HTRA1: variants seen among roughly 807,000 people sequenced by gnomAD.
HTRA1 encodes HtrA serine peptidase 1.
HTRA1 carries 26 observed loss-of-function variants against 49.7 expected under a neutral mutation model. The ratio of observed to expected loss-of-function variants is 0.52; its 90% CI spans 0.38 to 0.73. The LOEUF is 0.73. Among genes scored for constraint, HTRA1 ranks in the 30% least tolerant of loss-of-function variants. The pLI is 0.00. For synonymous variants in HTRA1, 291 were observed against 286.9 expected (o/e 1.01, Z -0.14); for missense variants, 561 against 667.2 (o/e 0.84, Z 1.75).
intron 3 of HTRA1, among the ~76,000 whole-genome samples, chr10:122,491,539 C>T (rs1009605598): frequency 6.6e-6 from 1 of 152,230 alleles, no homozygotes; most frequent in South Asian, 2.1e-4. Flanking sequence ...ACGCCGCCCC[C>T]ACTGCGTAAC....
intron 1 of HTRA1, among the ~76,000 whole-genome samples, chr10:122,475,003 G>A (rs2097487790): frequency 6.6e-6 from 1 of 152,148 alleles, no homozygotes; most frequent in Admixed American, 6.5e-5. Context: ...TCCCAGTAAA[G>A]CCAAAGATGC....
intron 1 of HTRA1, among the ~76,000 whole-genome samples, chr10:122,472,362 TTTATTACTATTA>T (rs1337403186): frequency 2.4e-5 from 3 of 127,100 alleles, no homozygotes; most frequent in South Asian, 2.8e-4. Context: ...ATATCATTTC[TTTATTACTATTA>T]TTATTATTAT....
intron 6 of HTRA1, 43 bp downstream of exon 6, chr10:122,508,813 C>G (rs1447637977): frequency 1.1e-5 from 13 of 1,191,604 alleles, no homozygotes; most frequent in Non-Finnish European, 1.5e-5. Flanking sequence ...GGAGATGGGG[C>G]CTGAAGCTCA....
chr10:122,467,463 C>T (rs187250993), intron 1 of HTRA1, among the ~76,000 whole-genome samples: 186 of 152,328 alleles, frequency 1.2e-3, no homozygotes, highest in African/African-American at 4.2e-3. Context: ...GTGGTCACCT[C>T]ATTCCTAATT....
chr10:122,465,192 C>CTAT (rs1160996059), intron 1 of HTRA1, among the ~76,000 whole-genome samples: 1 of 152,192 alleles, frequency 6.6e-6, no homozygotes, highest in East Asian at 1.9e-4. Context: ...GGCAAATCAT[C>CTAT]TATTTCAGAA....
At chr10:122,513,225 A>G (rs1395319620) in intron 8 of HTRA1, among the ~76,000 whole-genome samples, 1 of 152,184 alleles carries the variant, frequency 6.6e-6, no homozygotes, top group East Asian at 1.9e-4. Context: ...AGCTACAGTT[A>G]TAGTGGCAAC....
In HTRA1 at chr10:122,494,633, T is replaced by C. The variant is rs1311493253; in HGVS notation, c.777+5007T>C. On this transcript the variant is annotated intron_variant, in intron 3 of 8. Transcript: ENST00000368984. The surrounding 1 kb of genome is among the most constrained non-coding windows in gnomAD (Gnocchi z 4.0). ...TGTGAGGTGGTTTTCCTCCCTCCCC[T>C]GTAGGCCTGCGCCACCCCCCCAACC... 6.6e-6 allele frequency among the ~76,000 whole-genome samples: 1 copy of C among 151,948 alleles called. No individual in the cohort carries two copies. The highest frequency in any genetic ancestry group is 1.5e-5 in the Non-Finnish European group (1 of 67,968).
chr10:122,483,684 A>G (rs1290623054), intron 1 of HTRA1, among the ~76,000 whole-genome samples: 3 of 152,246 alleles, frequency 2.0e-5, no homozygotes, highest in Non-Finnish European at 4.4e-5. Context: ...TGATAGCTTA[A>G]CAATAGTGAA....
chr10:122,495,938 T>G (rs1241915428), intron 3 of HTRA1, among the ~76,000 whole-genome samples: 1 of 152,202 alleles, frequency 6.6e-6, no homozygotes, highest in Non-Finnish European at 1.5e-5. Context: ...TCATGCTCAC[T>G]TATTTAGGTA....
At chr10:122,502,880 CT>C (rs1204535849) in intron 3 of HTRA1, among the ~76,000 whole-genome samples, 3 of 152,236 alleles carry the variant, frequency 2.0e-5, no homozygotes, top group East Asian at 1.9e-4. Context: ...CTTGCATTTT[CT>C]TTTCCCCCCA....
At chr10:122,482,389 C>G (rs1050466436) in intron 1 of HTRA1, among the ~76,000 whole-genome samples, 1 of 152,102 alleles carries the variant, frequency 6.6e-6, no homozygotes, top group Non-Finnish European at 1.5e-5. Context: ...AAACTATGAT[C>G]AATCTAGAGC....
chr10:122,506,325 C>T lies in HTRA1; in HGVS notation c.778-366C>T, dbSNP rs1485874847. 6.6e-6 allele frequency among the ~76,000 whole-genome samples: 1 copy of T among 152,146 alleles called. No individual in the cohort carries two copies. Among genetic ancestry groups the T allele is most frequent in the Non-Finnish European group, 1.5e-5 (1 of 68,012 alleles). ...CATCCCCAGCAGTCTCACCCCAAAC[C>T]CTAAATTCATGTTGTCTTCCTCTGT... On this transcript the variant is annotated intron_variant, in intron 3 of 8. Transcript: ENST00000368984. The surrounding 1 kb of genome is among the most constrained non-coding windows in gnomAD (Gnocchi z 5.2).
At position 122,489,538 on chromosome 10, in the gene HTRA1, T is replaced by C. The variant is rs1206668025; in HGVS notation, c.689T>C (p.Val230Ala). Residue 230 changes from valine to alanine, a missense_variant, in exon 3 of 9, where the codon GTT becomes GCT. Physicochemically the swap from Val to Ala is moderately conservative, Grantham distance 64. Coordinates refer to ENST00000368984, the MANE Select transcript of HTRA1 (RefSeq NM_002775.5). ...GTGACCAACAAGCACCGGGTCAAAG[T>C]TGAGCTGAAGAACGGTGCCACTTAC... is the stretch of plus-strand genomic sequence containing the variant. The part of the protein sequence containing the change: ...HVVTNKHRVK[V>A]ELKNGATYEA... 1.9e-6 allele frequency: 3 copies of C among 1,614,182 alleles called. No individual in the cohort carries two copies. The highest frequency in any genetic ancestry group is 2.5e-6 in the Non-Finnish European group (3 of 1,180,034).
intron 7 of HTRA1, 81 bp from the exon 8 acceptor site, chr10:122,511,889 G>T: frequency 1.0e-6 from 1 of 974,120 alleles, no homozygotes; most frequent in Non-Finnish European, 1.7e-6. Context: ...GGAGAAGACG[G>T]GAACTGGTGA....
At chr10:122,471,043 C>T (rs1469459702) in intron 1 of HTRA1, among the ~76,000 whole-genome samples, 2 of 152,140 alleles carry the variant, frequency 1.3e-5, no homozygotes, top group Non-Finnish European at 2.9e-5. Context: ...AAGCAAACAG[C>T]CGTCTCTGCC....
chr10:122,488,079 A>G (rs1865331470), intron 1 of HTRA1, among the ~76,000 whole-genome samples: 1 of 152,146 alleles, frequency 6.6e-6, no homozygotes, highest in African/African-American at 2.4e-5. Context: ...TTGGGGTGTC[A>G]GTGGGAAAGA....
At chr10:122,479,963 G>A (rs541462811) in intron 1 of HTRA1, among the ~76,000 whole-genome samples, 5 of 152,270 alleles carry the variant, frequency 3.3e-5, no homozygotes, top group African/African-American at 9.6e-5. Context: ...AATGCACCTG[G>A]GAGGGACGTG....
Position 122,503,659 on chromosome 10 carries a change from A to G in HTRA1, c.778-3032A>G, listed in dbSNP as rs554256726. On this transcript the variant is annotated intron_variant, in intron 3 of 8. Coordinates refer to ENST00000368984, the MANE Select transcript of HTRA1 (RefSeq NM_002775.5). ...ATCATCTGTAAGCCTCAGTATCCACATCTTTAAAATGGGGGGAAAATATAG... is the reference window on the plus strand; with the variant it reads ...ATCATCTGTAAGCCTCAGTATCCACGTCTTTAAAATGGGGGGAAAATATAG... Among the ~76,000 whole-genome samples the G allele has an allele frequency of 1.3e-3, 202 of 152,286 alleles. 1 individual carries two copies. The highest frequency in any genetic ancestry group is 2.8e-3 in the Admixed American group (43 of 15,302).
chr10:122,478,517 C>T (rs943249802), intron 1 of HTRA1, among the ~76,000 whole-genome samples: 56 of 151,738 alleles, frequency 3.7e-4, no homozygotes, highest in Non-Finnish European at 7.7e-4. Flanking sequence ...CTCAGCCTCC[C>T]GAGTAGCTGG....
Sources: gnomAD v4.1 joint callset for allele counts (sites outside exome capture counted in the v4.1 genomes callset) on GRCh38, gnomAD v4.1.1 for gene constraint, Gnocchi (gnomAD v3.1) non-coding constraint, MANE v1.5 for transcripts, NCBI Gene and HGNC (gene_info 2026-07-23, HGNC 2026-07-21) for gene names.